Variants in AKR1C2 observed in about 807,000 individuals in gnomAD.
The protein encoded by AKR1C2 is aldo-keto reductase family 1 member C2.
A neutral mutation model predicts 39.8 loss-of-function variants in AKR1C2; 27 were observed. The observed-to-expected ratio is 0.68, with a 90% CI of 0.50 to 0.93. The LOEUF (loss-of-function observed/expected upper bound fraction) is 0.93. Among genes scored for constraint, AKR1C2 ranks in the 40% least tolerant of loss-of-function variants. The pLI, the probability that AKR1C2 is intolerant of heterozygous loss-of-function variation, is 0.00. For synonymous variants in AKR1C2, 114 were observed against 137.9 expected (o/e 0.83, Z 1.22); for missense variants, 263 against 365.1 (o/e 0.72, Z 2.28).
chr10:5,009,493 A>T (rs1377624119), intron 1 of AKR1C2, among the ~76,000 whole-genome samples: 2 of 151,908 alleles, frequency 1.3e-5, no homozygotes, highest in Non-Finnish European at 2.9e-5. Flanking sequence ...TATTAATATT[A>T]TAGTTGTTTT....
intron 2 of AKR1C2, among the ~76,000 whole-genome samples, chr10:5,000,974 G>A (rs112387462): frequency 1.3e-5 from 2 of 152,306 alleles, no homozygotes. Context: ...TCATATTAGT[G>A]GTGTAATTAT....
At chr10:4,990,074 C>A (rs200823233) in intron 8 of AKR1C2, 36 bp from the exon 9 acceptor site, 273 of 1,608,682 alleles carry the variant, frequency 1.7e-4, no homozygotes, top group Non-Finnish European at 2.2e-4. Context: ...CTCTGAATGG[C>A]AATGACTCCG....
intron 3 of AKR1C2, chr10:4,999,907 CA>C: frequency 2.1e-6 from 2 of 933,004 alleles, no homozygotes; most frequent in Non-Finnish European, 2.6e-6. Flanking sequence ...GAGTTTTTAT[CA>C]AATTCTTAAT....
At chr10:4,991,141 G>A (rs1366205572) in intron 8 of AKR1C2, among the ~76,000 whole-genome samples, 10 of 150,990 alleles carry the variant, frequency 6.6e-5, no homozygotes, top group Non-Finnish European at 1.5e-4. Flanking sequence ...TCCAATAATG[G>A]TGCTTTTGCA....
At chr10:4,990,125 T>C in intron 8 of AKR1C2, 87 bp from the exon 9 acceptor site, 1 of 1,525,410 alleles carries the variant, frequency 6.6e-7, no homozygotes, top group Non-Finnish European at 9.0e-7. Context: ...AAGCTGCCGC[T>C]AGTGTAGATG....
intron 7 of AKR1C2, among the ~76,000 whole-genome samples, chr10:4,992,785 A>T (rs1348678998): frequency 9.2e-5 from 14 of 152,186 alleles, no homozygotes; most frequent in African/African-American, 3.4e-4. Context: ...ACCCGTCTCT[A>T]CTAAAATACA....
chr10:4,990,728 A>C (rs1836811328), intron 8 of AKR1C2, among the ~76,000 whole-genome samples: 1 of 152,148 alleles, frequency 6.6e-6, no homozygotes, highest in African/African-American at 2.4e-5. Flanking sequence ...ACCGAGAGCA[A>C]ACACTTGGAA....
chr10:5,013,316 T>C (rs1441278052), intron 1 of AKR1C2: 1 of 152,230 alleles, frequency 6.6e-6, no homozygotes, highest in Non-Finnish European at 1.5e-5. Flanking sequence ...TTCTGAACAA[T>C]TACATTATTT....
Position 4,988,034 on chromosome 10 carries a change from T to A in AKR1C2, c.*1962A>T, listed in dbSNP as rs1554771653. On this transcript the variant is annotated 3_prime_UTR_variant, in exon 9 of 9. Transcript: ENST00000380753. ...TTTTTTTTTAACAATAAGAGTTTTA[T>A]AAAAATGGATGGTGAAGAACTGGAA... The A allele has an allele frequency of 6.6e-6, 1 of 151,944 alleles. No individual in the cohort carries two copies. 9.4% of individuals were successfully genotyped at this position (151,944 alleles called of 1,614,324 possible).
upstream of AKR1C2, among the ~76,000 whole-genome samples, chr10:5,004,364 T>C (rs1837355460): frequency 6.6e-6 from 1 of 152,248 alleles, no homozygotes. Flanking sequence ...ATGACTTTTT[T>C]TCATCAGCAA....
At chr10:5,016,734 A>G (rs528497626) in intron 1 of AKR1C2, among the ~76,000 whole-genome samples, 31 of 152,270 alleles carry the variant, frequency 2.0e-4, no homozygotes, top group African/African-American at 6.0e-4. Flanking sequence ...TGGGAGCTCA[A>G]ACCCCACATT....
chr10:4,999,187 T>C lies in AKR1C2; in HGVS notation c.447+13A>G, dbSNP rs1177226913. On this transcript the variant is annotated intron_variant, in intron 4 of 8. Transcript: ENST00000380753. ...CATCTTTCTTATCCGTTCTCTCACC[T>C]CCAAACACTCACCTCCCATGTGGCA... 1.2e-6 allele frequency: 2 copies of C among 1,602,080 alleles called. No individual in the cohort carries two copies. The highest frequency in any genetic ancestry group is 2.7e-5 in the African/African-American group (2 of 74,564).
intron 8 of AKR1C2, among the ~76,000 whole-genome samples, chr10:4,990,292 A>G (rs539356688): frequency 4.6e-5 from 7 of 152,230 alleles, no homozygotes; most frequent in Non-Finnish European, 7.3e-5. Flanking sequence ...ATGTTCAAAC[A>G]TGTTTCTCTA....
chr10:5,015,253 T>A (rs1407432304), intron 1 of AKR1C2: 19 of 152,254 alleles, frequency 1.2e-4, no homozygotes, highest in Admixed American at 1.2e-3. Context: ...CACATTGCAG[T>A]GTGGTTTAAT....
chr10:5,000,669 G>T lies in AKR1C2; in HGVS notation c.253-3C>A, dbSNP rs374518526. 56 of 1,611,654 alleles carry T rather than the reference G, an allele frequency of 3.5e-5. No individual in the cohort carries two copies. In the African/African-American group the frequency reaches 4.8e-4, roughly 14 times the overall value. Reference sequence around the variant, plus strand: ...GGTCGATGGGAATTGCTCCAAAGCTGCAGAGGTTAGAGAAACGAAGTTGTG... The same window carrying T: ...GGTCGATGGGAATTGCTCCAAAGCTTCAGAGGTTAGAGAAACGAAGTTGTG... On this transcript the variant is annotated splice_region_variant and splice_polypyrimidine_tract_variant and intron_variant, in intron 2 of 8. Coordinates refer to ENST00000380753, the MANE Select transcript of AKR1C2 (RefSeq NM_001393392.1).
rs1463274935 is a variant in AKR1C2, at chr10:5,009,882, C to T, written c.-87-5960G>A. Among the ~76,000 whole-genome samples, 9 of 146,830 alleles carry T rather than the reference C, an allele frequency of 6.1e-5. No homozygotes were observed. In the South Asian group the frequency reaches 1.6e-3, roughly 26 times the overall value. On this transcript the variant is annotated intron_variant, in intron 1 of 6. Transcript: ENST00000604507. ...GGCCTAGGAGGATTGGAGAAGAGTC[C>T]GGCCACTGGGCAGCCTGACTCCAAG...
At chr10:5,003,200 T>C (rs1837323512) in intron 1 of AKR1C2, among the ~76,000 whole-genome samples, 1 of 149,050 alleles carries the variant, frequency 6.7e-6, no homozygotes, top group East Asian at 1.9e-4. Context: ...CTTGTTTGGT[T>C]CTAGTTTTTT....
intron 5 of AKR1C2, among the ~76,000 whole-genome samples, chr10:4,996,860 GT>G (rs1837070001): frequency 1.3e-5 from 2 of 151,930 alleles, no homozygotes; most frequent in African/African-American, 2.4e-5. Flanking sequence ...AAATGATTAT[GT>G]AAAAACCCCA....
intron 1 of AKR1C2, among the ~76,000 whole-genome samples, chr10:5,002,926 T>C (rs1485711332): frequency 6.6e-6 from 1 of 152,222 alleles, no homozygotes; most frequent in Non-Finnish European, 1.5e-5. Context: ...AAAATGTCCC[T>C]TTGTAACTCC....
Sources: allele counts gnomAD v4.1 joint callset (sites outside exome capture counted in the v4.1 genomes callset), GRCh38; gene constraint gnomAD v4.1.1; transcripts MANE v1.5; gene names NCBI Gene and HGNC (gene_info 2026-07-23, HGNC 2026-07-21).